Variants in FAM170A observed in about 807,000 individuals in gnomAD.
The protein encoded by FAM170A is family with sequence similarity 170 member A.
FAM170A carries 28 observed loss-of-function variants against 36.6 expected under a neutral mutation model. The ratio of observed to expected loss-of-function variants is 0.76; its 90% CI spans 0.57 to 1.05. FAM170A has a LOEUF of 1.05. FAM170A is among the 50% of genes least tolerant of loss of function. The pLI is 0.00. For missense variants in FAM170A, 434 were observed against 396.5 expected (o/e 1.09, Z -0.80); for synonymous variants, 156 against 143.9 (o/e 1.08, Z -0.60).
At chr5:119,634,719 C>T (rs1195491146) in exon 3 of FAM170A, 4 of 1,541,756 alleles carry the variant, frequency 2.6e-6, no homozygotes. Flanking sequence ...GTGTTTCATT[C>T]TCCAAAGGAC....
At chr5:119,631,401 CTGTGTGTGCACATG>C (rs1036083980) in intron 1 of FAM170A, among the ~76,000 whole-genome samples, 32 of 152,116 alleles carry the variant, frequency 2.1e-4, no homozygotes, top group African/African-American at 7.7e-4. Context: ...GTGTGTGTGT[CTGTGTGTGCACATG>C]TGTGTGTGTG....
intron 2 of FAM170A, 28 bp from the exon 3 acceptor site, chr5:119,633,932 T>C (rs1212774187): frequency 6.3e-7 from 1 of 1,593,200 alleles, no homozygotes; most frequent in South Asian, 1.1e-5. Flanking sequence ...CCCATGCATC[T>C]GCTCATGTTT....
chr5:119,632,967 C>T (rs568747661), intron 2 of FAM170A, 79 bp downstream of exon 2: 1 of 1,441,740 alleles, frequency 6.9e-7, no homozygotes, highest in African/African-American at 1.4e-5. Flanking sequence ...GAGTGTGGGG[C>T]TCTGTGGGCA....
exon 2 of FAM170A, chr5:119,632,861 T>G: frequency 1.9e-6 from 3 of 1,611,182 alleles, no homozygotes; most frequent in Non-Finnish European, 2.5e-6. Context: ...CTCCTGCGTT[T>G]CTTCTTCACG....
chr5:119,634,978 A>G (rs530200495), intron 3 of FAM170A, 50 bp from the exon 4 acceptor site: 2 of 1,611,394 alleles, frequency 1.2e-6, no homozygotes, highest in South Asian at 2.2e-5. Context: ...GAGAATTTCA[A>G]AAGTCGCATT....
At chr5:119,630,058 A>G (rs934934782) in intron 1 of FAM170A, among the ~76,000 whole-genome samples, 2 of 146,564 alleles carry the variant, frequency 1.4e-5, no homozygotes, top group African/African-American at 5.1e-5. Context: ...CGCCCGGCTA[A>G]TTTTTTGTAT....
Position 119,635,092 on chromosome 5 carries a change from G to A in FAM170A, c.*52+6G>A, listed in dbSNP as rs1756350637. On this transcript the variant is annotated splice_donor_region_variant and intron_variant, in intron 4 of 4. Transcript: ENST00000613773. ...GTGGCCTTCTCTTGCAAGAGGTAAG[G>A]AGTGAGACTTGCAGTTTTCTGAGGC... 1 of 1,591,968 alleles carries A rather than the reference G, an allele frequency of 6.3e-7. No individual in the cohort carries two copies. The highest frequency in any genetic ancestry group is 1.1e-5 in the South Asian group (1 of 90,612).
chr5:119,630,813 C>T (rs1756233946), intron 1 of FAM170A, among the ~76,000 whole-genome samples: 1 of 152,176 alleles, frequency 6.6e-6, no homozygotes, highest in Non-Finnish European at 1.5e-5. Context: ...GTGAAGGGTG[C>T]TGGTAGAAGT....
At chr5:119,633,814 A>C (rs1023674238) in intron 2 of FAM170A, 146 bp from the exon 3 acceptor site, 22 of 1,053,246 alleles carry the variant, frequency 2.1e-5, no homozygotes, top group Non-Finnish European at 2.7e-5. Flanking sequence ...TCACTACCCC[A>C]CAATATGAAC....
chr5:119,630,491 A>G (rs1756226256), intron 1 of FAM170A, among the ~76,000 whole-genome samples: 1 of 152,030 alleles, frequency 6.6e-6, no homozygotes, highest in Non-Finnish European at 1.5e-5. Flanking sequence ...TTCTTTAGGG[A>G]GGAGAAACTG....
exon 3 of FAM170A, chr5:119,634,367 C>T (rs762481645): frequency 6.2e-7 from 1 of 1,614,176 alleles, no homozygotes; most frequent in South Asian, 1.1e-5. Context: ...GCCAGGCTCA[C>T]CCACCGTTGA....
exon 1 of FAM170A, chr5:119,629,616 G>C (rs999663600): frequency 6.8e-6 from 4 of 586,212 alleles, no homozygotes; most frequent in Non-Finnish European, 1.2e-5. Flanking sequence ...TTCACTAAGC[G>C]GTCTGAGTTC....
At chr5:119,635,157 G>T (rs1756354217) in intron 4 of FAM170A, 71 bp downstream of exon 4, 2 of 1,119,332 alleles carry the variant, frequency 1.8e-6, no homozygotes, top group African/African-American at 1.5e-5. Flanking sequence ...GGAAGGAGCT[G>T]CAGGGATGCA....
intron 4 of FAM170A, 62 bp from the exon 5 acceptor site, chr5:119,635,638 G>A (rs1195878577): frequency 1.9e-5 from 3 of 154,852 alleles, no homozygotes; most frequent in African/African-American, 7.2e-5. Context: ...TAACTGACTA[G>A]CAATGCTTGT....
chr5:119,634,797 C>T (rs1302339111), intron 3 of FAM170A, 63 bp downstream of exon 3: 3 of 1,466,380 alleles, frequency 2.0e-6, no homozygotes, highest in Non-Finnish European at 2.8e-6. Flanking sequence ...CCAGTACTGT[C>T]TCCCCAGTTC....
rs760121933 is a variant in FAM170A, at chr5:119,632,718, A to G, written c.71-30A>G. On this transcript the variant is annotated intron_variant, in intron 1 of 4. Transcript: ENST00000613773. ...GATGCACAAACATTACCCATCCATC[A>G]TATCTCTGTTCCCTTCATACCTTTC... 3.3e-6 allele frequency: 5 copies of G among 1,521,648 alleles called. No individual in the cohort carries two copies. The African/African-American group carries it at 5.5e-5, about 17-fold the overall frequency. The allele number at this position is 1,521,648 out of a possible 1,614,324, so 94.3% of individuals were successfully genotyped here. A position where few individuals can be genotyped will look rare whatever the true frequency, so the allele number is the denominator to read the frequency against.
intron 2 of FAM170A, 38 bp from the exon 3 acceptor site, chr5:119,633,922 C>A: frequency 6.4e-7 from 1 of 1,564,762 alleles, no homozygotes; most frequent in Non-Finnish European, 8.7e-7. Context: ...CCTAGCATGG[C>A]CCATGCATCT....
rs1439570566 is a variant in FAM170A, at chr5:119,633,832, A to G, written c.212-128A>G. On this transcript the variant is annotated intron_variant, in intron 2 of 4. Coordinates refer to ENST00000613773, the Ensembl canonical transcript of FAM170A. Reference sequence around the variant, plus strand: ...CTACCCCACAATATGAACAACAAATACCAAGCTCACTACACAGCTGCATCT... The same window carrying G: ...CTACCCCACAATATGAACAACAAATGCCAAGCTCACTACACAGCTGCATCT... The G allele has an allele frequency of 3.7e-5, 45 of 1,230,378 alleles. No homozygotes were observed. The South Asian group carries it at 5.0e-4, about 14-fold the overall frequency. The allele number at this position is 1,230,378 out of a possible 1,614,324, so 76.2% of individuals were successfully genotyped here. A position where few individuals can be genotyped will look rare whatever the true frequency, so the allele number is the denominator to read the frequency against.
Position 119,632,905 on chromosome 5 carries a change from C to T in FAM170A, c.211+17C>T. ...TCCACAGTGGTAAGGGTGCAGGGTT[C>T]CTTCGGCACGTGGCTCCTTGGCTGT... On this transcript the variant is annotated intron_variant, in intron 2 of 4. Transcript: ENST00000613773. The T allele has an allele frequency of 1.9e-6, 3 of 1,564,744 alleles. No individual in the cohort carries two copies. Among genetic ancestry groups the T allele is most frequent in the South Asian group, 1.2e-5 (1 of 84,918 alleles).
Sources: allele counts gnomAD v4.1 joint callset (sites outside exome capture counted in the v4.1 genomes callset), GRCh38; gene constraint gnomAD v4.1.1; transcripts MANE v1.5; gene names NCBI Gene and HGNC (gene_info 2026-07-23, HGNC 2026-07-21).